The following MAGI2 variants were observed in gnomAD, a reference collection of about 807,000 sequenced individuals.
MAGI2 encodes membrane-associated guanylate kinase, WW and PDZ domain-containing protein 2.
Under a neutral mutation model 133.3 loss-of-function variants are expected in MAGI2, and 35 were observed. That is an observed-to-expected ratio of 0.26 (90% CI 0.20 to 0.35). The LOEUF (loss-of-function observed/expected upper bound fraction) is 0.35, where lower values mean the gene tolerates loss of function less well. Ranked by LOEUF, MAGI2 falls within the 10% of genes least tolerant of loss-of-function variation. The pLI is 1.00. For missense variants in MAGI2, 1,636 were observed against 1,863.4 expected, an observed-to-expected ratio of 0.88 and a Z score of 2.25; for synonymous variants, 729 against 710.6, an observed-to-expected ratio of 1.03 and a Z score of -0.41.
At chr7:78,406,390 T>C (rs1797377220) in intron 6 of MAGI2, among the ~76,000 whole-genome samples, 2 of 152,098 alleles carry the variant, frequency 1.3e-5, no homozygotes, top group African/African-American at 2.4e-5. Flanking sequence ...TAAACACTTA[T>C]ACAGGGCATG....
At chr7:78,401,078 T>A (rs12668331) in intron 6 of MAGI2, among the ~76,000 whole-genome samples, 34,999 of 147,926 alleles carry the variant, frequency 0.24, 4,851 homozygotes, top group East Asian at 0.62. Context: ...AAAAAAAAAA[T>A]AAAATTTTCT....
intron 20 of MAGI2, among the ~76,000 whole-genome samples, chr7:78,100,291 C>T (rs1405329270): frequency 6.6e-6 from 1 of 152,200 alleles, no homozygotes; most frequent in Non-Finnish European, 1.5e-5. Context: ...GAAGCACAAT[C>T]TGAATCATAC....
At chr7:79,375,523 C>T (rs753624661) in intron 1 of MAGI2, among the ~76,000 whole-genome samples, 5 of 151,948 alleles carry the variant, frequency 3.3e-5, no homozygotes, top group Non-Finnish European at 7.4e-5. Flanking sequence ...CCTTCATGTG[C>T]TTTAATAACA....
intron 2 of MAGI2, among the ~76,000 whole-genome samples, chr7:78,915,759 A>G (rs1465141571): frequency 6.6e-6 from 1 of 151,268 alleles, no homozygotes; most frequent in Non-Finnish European, 1.5e-5. Flanking sequence ...TGTGCACCAT[A>G]GGTAGTATGG....
intron 2 of MAGI2, among the ~76,000 whole-genome samples, chr7:78,654,533 T>C (rs1236149191): frequency 1.3e-5 from 2 of 151,596 alleles, no homozygotes; most frequent in African/African-American, 4.8e-5. Flanking sequence ...CCAGAAATTC[T>C]TGTTTAAATG....
intron 2 of MAGI2, among the ~76,000 whole-genome samples, chr7:78,631,108 A>C (rs1808948385): frequency 6.6e-6 from 1 of 152,140 alleles, no homozygotes; most frequent in Admixed American, 6.5e-5. Flanking sequence ...AAGCCTGAAA[A>C]TGTCTTTATT....
At chr7:78,429,948 G>T (rs976004237) in intron 6 of MAGI2, among the ~76,000 whole-genome samples, 1 of 152,070 alleles carries the variant, frequency 6.6e-6, no homozygotes, top group East Asian at 1.9e-4. Flanking sequence ...GATGGAGTTG[G>T]GATCTGAATC....
At chr7:79,137,166 A>G (rs561975566) in intron 1 of MAGI2, among the ~76,000 whole-genome samples, 2 of 152,100 alleles carry the variant, frequency 1.3e-5, no homozygotes, top group Admixed American at 6.6e-5. Context: ...CCCTGCTAGA[A>G]GAAACCTCCA....
chr7:78,899,016 T>C (rs1300565962), intron 2 of MAGI2, among the ~76,000 whole-genome samples: 5 of 152,094 alleles, frequency 3.3e-5, no homozygotes, highest in Non-Finnish European at 7.4e-5. Flanking sequence ...CCATGGGAAT[T>C]AGGAAACACT....
chr7:78,184,051 T>G (rs1827452900), intron 13 of MAGI2, among the ~76,000 whole-genome samples: 1 of 152,254 alleles, frequency 6.6e-6, no homozygotes, highest in African/African-American at 2.4e-5. Context: ...AGGTAAAAAC[T>G]ATTACTTTGC....
Position 78,087,637 on chromosome 7 carries a change from A to C in MAGI2, c.3568-8552T>G, listed in dbSNP as rs1816779827. Among the ~76,000 whole-genome samples the C allele has an allele frequency of 2.0e-5, 3 of 152,172 alleles. No homozygotes were observed. In the South Asian group the frequency reaches 6.2e-4, roughly 32 times the overall value. ...TTGAGAGGTTAAAAATGAAAACAAA[A>C]CAAAACAAAAACAACTCTTCTTTTT... On this transcript the variant is annotated intron_variant, in intron 20 of 21. Coordinates refer to ENST00000354212, the MANE Select transcript of MAGI2 (RefSeq NM_012301.4).
intron 2 of MAGI2, among the ~76,000 whole-genome samples, chr7:78,725,528 G>A (rs988626354): frequency 9.9e-5 from 15 of 152,250 alleles, no homozygotes; most frequent in South Asian, 2.1e-4. Context: ...GCCAGGCACG[G>A]TGGCTCACGC....
chr7:79,041,152 C>T (rs937662898), intron 1 of MAGI2, among the ~76,000 whole-genome samples: 1 of 152,164 alleles, frequency 6.6e-6, no homozygotes, highest in African/African-American at 2.4e-5. Flanking sequence ...ACTGTTCCTC[C>T]TCCATGATCC....
chr7:78,471,844 G>A (rs1791234316), intron 6 of MAGI2, among the ~76,000 whole-genome samples: 1 of 151,888 alleles, frequency 6.6e-6, no homozygotes, highest in Non-Finnish European at 1.5e-5. Context: ...AGAATCACTT[G>A]AACTCAGGAG....
At chr7:79,327,845 G>T (rs775141430) in intron 1 of MAGI2, among the ~76,000 whole-genome samples, 24 of 152,034 alleles carry the variant, frequency 1.6e-4, no homozygotes, top group Non-Finnish European at 2.9e-4. Flanking sequence ...TTTTTTCCAA[G>T]CATTTTCTTC....
chr7:78,379,597 A>T lies in MAGI2; in HGVS notation c.1046-10384T>A, dbSNP rs1009431619. ...GAGGAAAAACACACTAATAAGAAGC[A>T]CTTTGACTATTTTCAGTCTAAGACA... On this transcript the variant is annotated intron_variant, in intron 6 of 21. Transcript: ENST00000354212. Among the ~76,000 whole-genome samples, 3 of 152,208 alleles carry T rather than the reference A, an allele frequency of 2.0e-5. No homozygotes were observed. In the East Asian group the frequency reaches 5.8e-4, roughly 29 times the overall value.
At chr7:78,984,100 G>A (rs1430167315) in intron 2 of MAGI2, among the ~76,000 whole-genome samples, 5 of 151,926 alleles carry the variant, frequency 3.3e-5, no homozygotes, top group African/African-American at 1.2e-4. Context: ...ACAAACTGAT[G>A]TCATGTTAAC....
At chr7:78,827,137 T>C (rs142745353) in intron 2 of MAGI2, among the ~76,000 whole-genome samples, 5 of 152,290 alleles carry the variant, frequency 3.3e-5, no homozygotes, top group African/African-American at 1.2e-4. Context: ...CCTAAGTCAG[T>C]GTACACACAT....
chr7:78,873,756 A>G (rs150903556), intron 2 of MAGI2, among the ~76,000 whole-genome samples: 3,851 of 152,256 alleles, frequency 0.025, 73 homozygotes, highest in Middle Eastern at 0.048. Context: ...GGTACCAAAA[A>G]GGTTGGGGAC....
Sources: allele counts gnomAD v4.1 joint callset (sites outside exome capture counted in the v4.1 genomes callset), GRCh38; gene constraint gnomAD v4.1.1; transcripts MANE v1.5; gene names NCBI Gene and HGNC (gene_info 2026-07-23, HGNC 2026-07-21).